The following POM121 variants were observed in gnomAD, a reference collection of about 807,000 sequenced individuals.
POM121 encodes nuclear envelope pore membrane protein POM 121.
Under a neutral mutation model 81.3 loss-of-function variants are expected in POM121, and 32 were observed. That is an observed-to-expected ratio of 0.39 (90% confidence interval 0.30 to 0.53). The LOEUF is 0.53. Among genes scored for constraint, POM121 ranks in the 20% least tolerant of loss-of-function variants. The pLI, the probability that POM121 is intolerant of heterozygous loss-of-function variation, is 0.66. For synonymous variants in POM121, 514 were observed against 694.2 expected (o/e 0.74, Z 4.08); for missense variants, 1,138 against 1,614.6 (o/e 0.70, Z 5.06).
chr7:72,948,856 A>G (rs782022081), downstream of POM121: 198 of 1,580,992 alleles, frequency 1.3e-4, 1 homozygote, highest in Non-Finnish European at 1.5e-4. Flanking sequence ...AGTTCACCCC[A>G]TCCCCCCCTC....
Position 72,945,581 on chromosome 7 carries a change from T to C in POM121, c.3530-5T>C. On this transcript the variant is annotated splice_region_variant and splice_polypyrimidine_tract_variant and intron_variant, in intron 11 of 12. Coordinates refer to ENST00000434423, the MANE Select transcript of POM121 (RefSeq NM_001387691.1). Reference sequence around the variant, plus strand: ...CTGGCCAGCTCTCTGTTCTCTTCATTCCAGGCACCGCCACCCCCACCTTTG... The same window carrying C: ...CTGGCCAGCTCTCTGTTCTCTTCATCCCAGGCACCGCCACCCCCACCTTTG... The C allele has an allele frequency of 6.2e-7, 1 of 1,613,292 alleles. No homozygotes were observed. The highest frequency in any genetic ancestry group is 8.5e-7 in the Non-Finnish European group (1 of 1,179,684).
chr7:72,937,900 G>A (rs1163426892), intron 5 of POM121, among the ~76,000 whole-genome samples: 2 of 152,136 alleles, frequency 1.3e-5, no homozygotes, highest in African/African-American at 4.8e-5. Context: ...AGTCATAAAC[G>A]TTACGACAGC....
rs782547808 is a variant in POM121 at position 72,928,449 on chromosome 7, G to A, written c.1087G>A (p.Ala363Thr). Residue 363 changes from alanine (A) to threonine (T), a missense_variant, in exon 4 of 13, where the codon GCT becomes ACT. Ala to Thr is a moderately conservative substitution (Grantham distance 58, BLOSUM62 0). Transcript: ENST00000434423. ...GCCCCTGGTGGCCAATGGAGTCCCC[G>A]CTTCTTTTGTGCCTAAGTAAGTGGG... ...FEPLVANGVP[A>T]SFVPKPGSLK... 33 of 1,614,044 alleles carry A rather than the reference G, an allele frequency of 2.0e-5. No individual in the cohort carries two copies. The highest frequency in any genetic ancestry group is 2.7e-5 in the African/African-American group (2 of 74,940).
At chr7:72,914,551 C>T (rs1170863203) in intron 4 of POM121, among the ~76,000 whole-genome samples, 3 of 149,404 alleles carry the variant, frequency 2.0e-5, no homozygotes, top group African/African-American at 7.4e-5. Context: ...GATAGGGTCT[C>T]GCTGTAGAGA....
intron 6 of POM121, among the ~76,000 whole-genome samples, chr7:72,939,003 C>T (rs2429274): frequency 1.3e-5 from 2 of 152,186 alleles, no homozygotes; most frequent in East Asian, 1.9e-4. Flanking sequence ...CTCGAGCTGA[C>T]CCCCTAGGTG....
downstream of POM121, chr7:72,950,168 T>G: frequency 6.2e-7 from 1 of 1,608,466 alleles, no homozygotes; most frequent in Non-Finnish European, 8.5e-7. Context: ...AGAAAATGCT[T>G]CCCCTTGAGG....
intron 3 of POM121, among the ~76,000 whole-genome samples, chr7:72,903,728 T>G (rs1451601990): frequency 6.6e-6 from 1 of 152,270 alleles, no homozygotes; most frequent in Non-Finnish European, 1.5e-5. Flanking sequence ...GGATTGCCAC[T>G]GTGCTGGGGC....
At chr7:72,920,321 A>G (rs1406804784), upstream of POM121, among the ~76,000 whole-genome samples, 1 of 145,778 alleles carries the variant, frequency 6.9e-6, no homozygotes, top group African/African-American at 2.5e-5. Context: ...CACATTGGAA[A>G]TTTTACCTTG....
intron 4 of POM121, among the ~76,000 whole-genome samples, chr7:72,929,037 G>C (rs1348585466): frequency 6.6e-6 from 1 of 152,212 alleles, no homozygotes. Flanking sequence ...GGTCAGATCA[G>C]TGTACTGCAC....
intron 2 of POM121, 108 bp downstream of exon 2, chr7:72,926,585 T>C (rs1226298187): frequency 1.9e-6 from 3 of 1,541,616 alleles, no homozygotes; most frequent in Non-Finnish European, 2.6e-6. Flanking sequence ...ACGAAGCTGC[T>C]TATTTGATGA....
chr7:72,893,082 C>T (rs531691891), intron 3 of POM121, among the ~76,000 whole-genome samples: 2 of 151,972 alleles, frequency 1.3e-5, no homozygotes, highest in Non-Finnish European at 2.9e-5. Context: ...CTCAGCCTCC[C>T]GAGTAGCTGA....
chr7:72,934,127 C>T (rs1285925831), intron 5 of POM121, among the ~76,000 whole-genome samples: 11 of 151,880 alleles, frequency 7.2e-5, no homozygotes, highest in Non-Finnish European at 1.6e-4. Flanking sequence ...CACTGTCGCC[C>T]GGGCTGGAGT....
intron 1 of POM121, among the ~76,000 whole-genome samples, chr7:72,880,697 T>C (rs1790053936): frequency 6.6e-6 from 1 of 151,392 alleles, no homozygotes; most frequent in Non-Finnish European, 1.5e-5. Flanking sequence ...GAGACCAGCC[T>C]AGACAACATG....
downstream of POM121, chr7:72,950,046 C>G (rs1797957673): frequency 1.9e-6 from 3 of 1,549,022 alleles, no homozygotes; most frequent in Non-Finnish European, 2.7e-6. Context: ...CTTTTCTATT[C>G]CTCTTGCCTA....
At chr7:72,918,920 C>T (rs1794543043) in intron 4 of POM121, among the ~76,000 whole-genome samples, 1 of 152,236 alleles carries the variant, frequency 6.6e-6, no homozygotes, top group South Asian at 2.1e-4. Context: ...GCCTCAGCCT[C>T]CCTAGTAGCT....
intron 11 of POM121, among the ~76,000 whole-genome samples, chr7:72,945,151 G>A (rs1285266987): frequency 6.6e-5 from 10 of 152,192 alleles, no homozygotes; most frequent in African/African-American, 1.2e-4. Context: ...GGGCAAGGCC[G>A]GGGAAGGGAG....
At chr7:72,914,823 G>GCA (rs1342680735) in intron 4 of POM121, among the ~76,000 whole-genome samples, 1 of 152,098 alleles carries the variant, frequency 6.6e-6, no homozygotes, top group African/African-American at 2.4e-5. Context: ...GTGCCTGGAA[G>GCA]CACACACCTG....
At chr7:72,908,168 G>A (rs1447515265) in intron 3 of POM121, among the ~76,000 whole-genome samples, 5 of 152,276 alleles carry the variant, frequency 3.3e-5, no homozygotes, top group South Asian at 2.1e-4. Flanking sequence ...GGGGGAACCC[G>A]CCCCTGATAA....
intron 1 of POM121, among the ~76,000 whole-genome samples, chr7:72,882,634 C>A (rs1248213083): frequency 6.6e-6 from 1 of 151,944 alleles, no homozygotes; most frequent in Non-Finnish European, 1.5e-5. Context: ...TCCAAGTAAA[C>A]AATTCTGTTT....
Sources: allele counts gnomAD v4.1 joint callset (sites outside exome capture counted in the v4.1 genomes callset), GRCh38; gene constraint gnomAD v4.1.1; transcripts MANE v1.5; gene names NCBI Gene and HGNC (gene_info 2026-07-23, HGNC 2026-07-21).